The following SIPA1L3 variants were observed in gnomAD, a reference collection of about 807,000 sequenced individuals.
SIPA1L3 encodes signal induced proliferation associated 1 like 3.
SIPA1L3 carries 59 observed loss-of-function variants against 150.1 expected under a neutral mutation model. The observed-to-expected ratio is 0.39, with a 90% CI of 0.32 to 0.49. The LOEUF is 0.49. Ranked by LOEUF, SIPA1L3 falls within the 20% of genes least tolerant of loss-of-function variation. SIPA1L3 has a pLI of 0.86. For synonymous variants in SIPA1L3, 1,070 were observed against 1,077.6 expected (o/e 0.99, Z 0.14); for missense variants, 2,211 against 2,489.5 (o/e 0.89, Z 2.38).
At chr19:38,193,086 A>G (rs1972839285) in intron 17 of SIPA1L3, among the ~76,000 whole-genome samples, 1 of 151,968 alleles carries the variant, frequency 6.6e-6, no homozygotes, top group African/African-American at 2.4e-5. Flanking sequence ...TCACACCTGT[A>G]ATCCCAGCAC....
chr19:38,192,494 G>A (rs987374590), intron 17 of SIPA1L3, among the ~76,000 whole-genome samples, 184 bp downstream of exon 17: 10 of 152,200 alleles, frequency 6.6e-5, no homozygotes, highest in South Asian at 4.1e-4. Context: ...TGAGGGCAGC[G>A]CATTGGTCTG....
intron 2 of SIPA1L3, among the ~76,000 whole-genome samples, chr19:38,042,152 T>C (rs1022597204): frequency 6.6e-6 from 1 of 152,182 alleles, no homozygotes; most frequent in African/African-American, 2.4e-5. Context: ...CTTTCCGCCA[T>C]GTTCTTTTCT....
chr19:37,931,657 G>A (rs2046555084), intron 1 of SIPA1L3, among the ~76,000 whole-genome samples: 1 of 152,188 alleles, frequency 6.6e-6, no homozygotes, highest in Non-Finnish European at 1.5e-5. Context: ...GGCTGAGGCA[G>A]GAGAATCCCT....
chr19:37,924,499 G>A (rs1383003233), intron 1 of SIPA1L3, among the ~76,000 whole-genome samples: 1 of 150,144 alleles, frequency 6.7e-6, no homozygotes, highest in Non-Finnish European at 1.5e-5. Context: ...CCAACATGGC[G>A]AAACCCCATC....
chr19:38,024,222 G>A (rs1968449319), intron 1 of SIPA1L3, among the ~76,000 whole-genome samples: 1 of 152,302 alleles, frequency 6.6e-6, no homozygotes, highest in African/African-American at 2.4e-5. Flanking sequence ...AGCTCACCTG[G>A]AGCCATGGTG....
chr19:38,179,585 TCCA>T, intron 15 of SIPA1L3, among the ~76,000 whole-genome samples: 1 of 152,238 alleles, frequency 6.6e-6, no homozygotes, highest in South Asian at 2.1e-4. Flanking sequence ...AAAACTTTTC[TCCA>T]ATATTGTCCT....
intron 1 of SIPA1L3, among the ~76,000 whole-genome samples, chr19:37,937,924 G>A (rs2046616407): frequency 6.6e-6 from 1 of 151,608 alleles, no homozygotes; most frequent in Non-Finnish European, 1.5e-5. Context: ...GTGCGCACCT[G>A]TAGTCCCAGC....
chr19:38,042,223 G>A (rs552861555), intron 2 of SIPA1L3, among the ~76,000 whole-genome samples: 3 of 152,166 alleles, frequency 2.0e-5, no homozygotes, highest in African/African-American at 7.2e-5. Flanking sequence ...GTTTATTTTT[G>A]TGTATGGTAT....
intron 16 of SIPA1L3, among the ~76,000 whole-genome samples, chr19:38,189,429 C>A (rs1600190926): frequency 6.6e-6 from 1 of 152,032 alleles, no homozygotes; most frequent in East Asian, 1.9e-4. Context: ...CCATGCCTGA[C>A]CTAAGTTTCT....
intron 18 of SIPA1L3, among the ~76,000 whole-genome samples, chr19:38,197,693 CCTTCT>C (rs957078964): frequency 2.6e-5 from 4 of 151,924 alleles, no homozygotes; most frequent in African/African-American, 9.7e-5. Flanking sequence ...CAATCCTGGC[CCTTCT>C]CTTTGTTTCA....
chr19:37,989,119 G>A (rs995325849), intron 1 of SIPA1L3, among the ~76,000 whole-genome samples: 1 of 152,208 alleles, frequency 6.6e-6, no homozygotes, highest in Non-Finnish European at 1.5e-5. Flanking sequence ...TGTGATTGAG[G>A]AGGGAATGAG....
chr19:37,933,903 A>G (rs1208534437), intron 1 of SIPA1L3, among the ~76,000 whole-genome samples: 2 of 152,024 alleles, frequency 1.3e-5, no homozygotes, highest in Non-Finnish European at 2.9e-5. Context: ...GGAAGATACC[A>G]CCCATATACA....
chr19:38,203,957 G>C, intron 20 of SIPA1L3, 170 bp from the exon 21 acceptor site: 1 of 595,728 alleles, frequency 1.7e-6, no homozygotes, highest in East Asian at 2.9e-5. Flanking sequence ...GGTGGGTGGA[G>C]TGTGCCGGGT....
chr19:38,115,740 G>A (rs369477996), intron 8 of SIPA1L3, among the ~76,000 whole-genome samples: 2 of 152,140 alleles, frequency 1.3e-5, no homozygotes, highest in South Asian at 4.1e-4. Context: ...GCTCAGAGAG[G>A]CCCTCCCAGA....
chr19:38,156,369 A>G (rs1024088920), intron 13 of SIPA1L3, among the ~76,000 whole-genome samples: 5 of 151,292 alleles, frequency 3.3e-5, no homozygotes, highest in Non-Finnish European at 5.9e-5. Flanking sequence ...TGCATACACC[A>G]TGGGCCCCAA....
At chr19:38,004,062 A>G (rs576843331) in intron 1 of SIPA1L3, among the ~76,000 whole-genome samples, 124 of 152,320 alleles carry the variant, frequency 8.1e-4, no homozygotes, top group Non-Finnish European at 9.4e-4. Context: ...GGGACTTTTC[A>G]GCTACCCTTC....
chr19:38,040,596 T>C (rs1968895077), intron 2 of SIPA1L3, among the ~76,000 whole-genome samples: 1 of 152,222 alleles, frequency 6.6e-6, no homozygotes, highest in Non-Finnish European at 1.5e-5. Flanking sequence ...TTCTCCATGT[T>C]CTTTCTTCCC....
chr19:38,034,873 G>A (rs1051143144), intron 2 of SIPA1L3, among the ~76,000 whole-genome samples: 2 of 152,202 alleles, frequency 1.3e-5, no homozygotes, highest in African/African-American at 4.8e-5. Context: ...AGGTCTGCTG[G>A]TTGATTGCGC....
Position 38,047,963 on chromosome 19 carries a change from T to TGAGGGAAACAGTG in SIPA1L3, c.-311+18808_-311+18820dup, listed in dbSNP as rs1969098768. On this transcript the variant is annotated intron_variant, in intron 2 of 21. Coordinates refer to ENST00000222345, the MANE Select transcript of SIPA1L3 (RefSeq NM_015073.3). The surrounding 1 kb of genome is among the most constrained non-coding windows in gnomAD (Gnocchi z 4.7). ...GGTAACTCCACTGTGGTAAAGGATG[T>TGAGGGAAACAGTG]GAGGGAAACAGTGACCCACTGCAGA... 6.6e-6 allele frequency among the ~76,000 whole-genome samples: 1 copy of TGAGGGAAACAGTG among 152,124 alleles called. No homozygotes were observed. Among genetic ancestry groups the TGAGGGAAACAGTG allele is most frequent in the Non-Finnish European group, 1.5e-5 (1 of 68,022 alleles).
Sources: allele counts gnomAD v4.1 joint callset (sites outside exome capture counted in the v4.1 genomes callset), GRCh38; gene constraint gnomAD v4.1.1; non-coding constraint Gnocchi (gnomAD v3.1); transcripts MANE v1.5; gene names NCBI Gene and HGNC (gene_info 2026-07-23, HGNC 2026-07-21).